THSD7A: variants seen among roughly 807,000 people sequenced by gnomAD.
THSD7A encodes thrombospondin type-1 domain-containing protein 7A.
In THSD7A, 96 loss-of-function variants were observed where a neutral mutation model predicts 231.3. That is an observed-to-expected ratio of 0.41 (90% CI 0.35 to 0.49). THSD7A has a LOEUF of 0.49. THSD7A is among the 20% of genes least tolerant of loss of function. THSD7A has a pLI of 0.05. For synonymous variants in THSD7A, 940 were observed against 743.3 expected (o/e 1.26, Z -4.30); for missense variants, 2,290 against 2,070.2 (o/e 1.11, Z -2.06).
rs756014674 is a variant in THSD7A, at chr7:11,474,499, A to G, written c.2087T>C (p.Val696Ala). 1.2e-6 allele frequency: 2 copies of G among 1,613,610 alleles called. No individual in the cohort carries two copies. Among genetic ancestry groups the G allele is most frequent in the East Asian group, 4.5e-5 (2 of 44,820 alleles). The change falls in exon 8 of 28, where the codon GTG (valine) becomes GCG (alanine). Residue 696 changes from valine to alanine, a missense_variant. Physicochemically the swap from Val to Ala is moderately conservative, Grantham distance 64 (BLOSUM62 0). Coordinates refer to ENST00000423059, the MANE Select transcript of THSD7A (RefSeq NM_015204.3). The surrounding 1 kb of genome is among the most constrained non-coding windows in gnomAD (Gnocchi z 4.1). ...CCAGGGACCAGTTTGCCAGTGGTAC[A>G]CTGTGCAAGGATGCTCATTACAGCT... ...VRSCNEHPCT[V>A]YHWQTGPWGQ...
intron 1 of THSD7A, among the ~76,000 whole-genome samples, chr7:11,767,898 CT>C (rs1195280476): frequency 2.0e-5 from 3 of 152,082 alleles, no homozygotes; most frequent in African/African-American, 7.2e-5. Context: ...GGAATAAGGA[CT>C]TAGAAGGAGA....
At chr7:11,584,837 G>C (rs954208441) in intron 4 of THSD7A, among the ~76,000 whole-genome samples, 1 of 152,168 alleles carries the variant, frequency 6.6e-6, no homozygotes, top group African/African-American at 2.4e-5. Context: ...TTCAAATTCA[G>C]AGGTGTAAAC....
chr7:11,680,236 A>C (rs113372751), intron 1 of THSD7A, among the ~76,000 whole-genome samples: 65 of 152,330 alleles, frequency 4.3e-4, no homozygotes, highest in African/African-American at 1.5e-3. Context: ...AAGACTTAAA[A>C]CCATAAAATC....
In THSD7A at chr7:11,375,023, T is replaced by G. The variant is rs774379343; in HGVS notation, c.*771A>C. On this transcript the variant is annotated 3_prime_UTR_variant, in exon 28 of 28. Transcript: ENST00000423059. ...TGTGCCTTCCATATAGCAAAAAAGA[T>G]GCAGGCAACCAGTTTGAAAATCAGG... 4 of 152,068 alleles carry G rather than the reference T, an allele frequency of 2.6e-5. No individual in the cohort carries two copies. Among genetic ancestry groups the G allele is most frequent in the Non-Finnish European group, 4.4e-5 (3 of 68,000 alleles). The allele number at this position is 152,068 out of a possible 1,614,324, so 9.4% of individuals were successfully genotyped here. A position where few individuals can be genotyped will look rare whatever the true frequency, so the allele number is the denominator to read the frequency against.
chr7:11,662,771 G>A (rs34350642), intron 1 of THSD7A, among the ~76,000 whole-genome samples: 7,328 of 151,294 alleles, frequency 0.048, 240 homozygotes, highest in Middle Eastern at 0.099. Flanking sequence ...GAGACAAGTG[G>A]AAATGTTTTG....
At chr7:11,519,589 T>C (rs1475346714) in intron 6 of THSD7A, among the ~76,000 whole-genome samples, 4 of 151,840 alleles carry the variant, frequency 2.6e-5, no homozygotes, top group Admixed American at 2.6e-4. Context: ...TTAGCCATTT[T>C]GGTGTGTAGA....
At chr7:11,514,165 T>C (rs547180456) in intron 6 of THSD7A, among the ~76,000 whole-genome samples, 3 of 152,140 alleles carry the variant, frequency 2.0e-5, no homozygotes, top group Non-Finnish European at 4.4e-5. Flanking sequence ...CCACTCAAAA[T>C]AAAATAATAC....
In THSD7A at chr7:11,426,625, G is replaced by C. The variant is rs199985273; in HGVS notation, c.3249+41C>G. The C allele has an allele frequency of 1.5e-4, 226 of 1,524,512 alleles. 1 individual carries two copies. In the African/African-American group the frequency reaches 2.9e-3, roughly 19 times the overall value. 94.4% of individuals were successfully genotyped at this position (1,524,512 alleles called of 1,614,324 possible). On this transcript the variant is annotated intron_variant, in intron 15 of 27. Transcript: ENST00000423059. ...TCAGAAATCAGGAAATTTAAGAAAA[G>C]AAGGATTCTATCAAAAAGCATGAGG... is the stretch of plus-strand genomic sequence containing the variant.
chr7:11,776,553 G>C (rs992850809), intron 1 of THSD7A, among the ~76,000 whole-genome samples: 7 of 152,140 alleles, frequency 4.6e-5, no homozygotes, highest in African/African-American at 1.7e-4. Context: ...ATATTATGGT[G>C]CTTGAAGCAC....
At chr7:11,403,070 C>A (rs1047807221) in intron 22 of THSD7A, among the ~76,000 whole-genome samples, 1 of 152,108 alleles carries the variant, frequency 6.6e-6, no homozygotes, top group African/African-American at 2.4e-5. Flanking sequence ...TTCCATTAAC[C>A]CATCCATTCT....
chr7:11,673,906 C>G (rs1436545149), intron 1 of THSD7A, among the ~76,000 whole-genome samples: 1 of 152,048 alleles, frequency 6.6e-6, no homozygotes, highest in East Asian at 1.9e-4. Context: ...TCCATGGATA[C>G]CTGCTAGGCT....
chr7:11,724,135 G>T lies in THSD7A; in HGVS notation c.191-87174C>A, dbSNP rs537537057. 1.2e-4 allele frequency among the ~76,000 whole-genome samples: 19 copies of T among 152,016 alleles called. No homozygotes were observed. In the East Asian group the frequency reaches 3.7e-3, roughly 30 times the overall value. ...TATGATATGTTAAAAGAATATATGT[G>T]GGATATTGGAGTAAGAGAGATCAAG... On this transcript the variant is annotated intron_variant, in intron 1 of 27. Coordinates refer to ENST00000423059, the MANE Select transcript of THSD7A (RefSeq NM_015204.3).
At chr7:11,394,884 C>G (rs544323412) in intron 23 of THSD7A, among the ~76,000 whole-genome samples, 1 of 152,078 alleles carries the variant, frequency 6.6e-6, no homozygotes, top group East Asian at 1.9e-4. Flanking sequence ...TAAAGACTAT[C>G]GACACTATGA....
chr7:11,761,610 T>C (rs550822338), intron 1 of THSD7A, among the ~76,000 whole-genome samples: 1 of 152,160 alleles, frequency 6.6e-6, no homozygotes, highest in Admixed American at 6.6e-5. Flanking sequence ...CAGTTTGTAG[T>C]ACTTCTTATC....
chr7:11,601,604 C>G (rs1780556490), intron 2 of THSD7A, among the ~76,000 whole-genome samples: 1 of 152,160 alleles, frequency 6.6e-6, no homozygotes, highest in Non-Finnish European at 1.5e-5. Context: ...CATCTTGCAT[C>G]TGAACTGTGC....
intron 1 of THSD7A, among the ~76,000 whole-genome samples, chr7:11,737,990 T>C (rs946169029): frequency 6.6e-6 from 1 of 151,974 alleles, no homozygotes; most frequent in Admixed American, 6.6e-5. Flanking sequence ...TTATTCTAGA[T>C]GCTTACATCA....
intron 15 of THSD7A, among the ~76,000 whole-genome samples, chr7:11,425,921 A>G (rs1048028922): frequency 6.6e-6 from 1 of 152,184 alleles, no homozygotes; most frequent in Non-Finnish European, 1.5e-5. Context: ...TAAAATGAAT[A>G]AAGTGGACCT....
chr7:11,543,062 C>A lies in THSD7A; in HGVS notation c.1509G>T (p.Gln503His), dbSNP rs757441177. ...LCTGPIPNTT[Q>H]LCHIPCPTEC... The stretch of plus-strand genomic sequence containing the variant: ...CAGTTGGACAAGGAATGTGGCACAG[C>A]TGTGTAGTATTAGGGATAGGTCCAG... The change falls in exon 5 of 28, where the codon CAG (glutamine) becomes CAT (histidine). Residue 503 changes from glutamine (Q) to histidine (H), a missense_variant. Physicochemically the swap from Gln to His is conservative, Grantham distance 24 (BLOSUM62 0). Coordinates refer to ENST00000423059, the MANE Select transcript of THSD7A (RefSeq NM_015204.3). 2 of 1,613,872 alleles carry A rather than the reference C, an allele frequency of 1.2e-6. No individual in the cohort carries two copies. The highest frequency in any genetic ancestry group is 2.2e-5 in the South Asian group (2 of 91,080).
At chr7:11,645,194 T>C (rs955296233) in intron 1 of THSD7A, among the ~76,000 whole-genome samples, 1 of 151,880 alleles carries the variant, frequency 6.6e-6, no homozygotes, top group African/African-American at 2.4e-5. Context: ...CATATGACTT[T>C]TAACATAATA....
Sources: allele counts gnomAD v4.1 joint callset (sites outside exome capture counted in the v4.1 genomes callset), GRCh38; gene constraint gnomAD v4.1.1; non-coding constraint Gnocchi (gnomAD v3.1); transcripts MANE v1.5; gene names NCBI Gene and HGNC (gene_info 2026-07-23, HGNC 2026-07-21).